Variants in LRRC9 observed in about 807,000 individuals in gnomAD.
LRRC9 encodes the protein leucine-rich repeat-containing protein 9.
In LRRC9, 122 loss-of-function variants were observed where a neutral mutation model predicts 63.2. The observed-to-expected ratio is 1.93, with a 90% confidence interval of 1.67 to 2.24. The LOEUF is 2.24. Ranked by LOEUF, LRRC9 falls within the 30% of genes most tolerant of loss-of-function variation. LRRC9 has a pLI of 0.00. For missense variants in LRRC9, 1,071 were observed against 627.7 expected, an observed-to-expected ratio of 1.71 and a Z score of -7.55; for synonymous variants, 366 against 213.1, an observed-to-expected ratio of 1.72 and a Z score of -6.25.
At chr14:60,008,612 C>T (rs1890005891) in intron 23 of LRRC9, among the ~76,000 whole-genome samples, 1 of 152,012 alleles carries the variant, frequency 6.6e-6, no homozygotes, top group African/African-American at 2.4e-5. Context: ...TATATTTGAA[C>T]CAACATGTGG....
intron 21 of LRRC9, among the ~76,000 whole-genome samples, chr14:60,005,284 G>A (rs1889722292): frequency 6.6e-6 from 1 of 152,154 alleles, no homozygotes; most frequent in South Asian, 2.1e-4. Flanking sequence ...AGTAAACCTA[G>A]GGGTAGCTCA....
intron 1 of LRRC9, among the ~76,000 whole-genome samples, chr14:59,924,072 G>A (rs1452176233): frequency 6.6e-6 from 1 of 152,166 alleles, no homozygotes; most frequent in African/African-American, 2.4e-5. Flanking sequence ...ATAACAAAGA[G>A]AATGATTTAA....
chr14:60,064,041 C>T (rs562967543), downstream of LRRC9, among the ~76,000 whole-genome samples: 47 of 152,238 alleles, frequency 3.1e-4, no homozygotes, highest in African/African-American at 1.1e-3. Context: ...ATAAAAAAAG[C>T]GTCCGATTTC....
At chr14:59,967,427 G>A (rs1435882505) in intron 12 of LRRC9, among the ~76,000 whole-genome samples, 2 of 152,072 alleles carry the variant, frequency 1.3e-5, no homozygotes, top group South Asian at 2.1e-4. Flanking sequence ...CTGACCCTAC[G>A]TAATCCTTCT....
chr14:59,952,835 T>C (rs1883316765), intron 8 of LRRC9, among the ~76,000 whole-genome samples: 1 of 152,068 alleles, frequency 6.6e-6, no homozygotes, highest in Non-Finnish European at 1.5e-5. Context: ...CAGGACCTGG[T>C]GTGTGATGTT....
chr14:59,924,773 G>T (rs1889065773), intron 1 of LRRC9, among the ~76,000 whole-genome samples: 1 of 151,846 alleles, frequency 6.6e-6, no homozygotes. Flanking sequence ...ACATGATTTG[G>T]CCCTGAAATA....
rs1456570322 is a variant in LRRC9 at position 60,027,904 on chromosome 14, G to A, written c.3724G>A (p.Glu1242Lys). 20 of 699,982 alleles carry A rather than the reference G, an allele frequency of 2.9e-5. No individual in the cohort carries two copies. The highest frequency in any genetic ancestry group is 2.3e-4 in the Middle Eastern group (1 of 4,358). 43.4% of individuals were successfully genotyped at this position (699,982 alleles called of 1,614,324 possible). The change falls in exon 28 of 32, where the codon GAA (glutamate) becomes AAA (lysine). Residue 1242 changes from glutamate (E) to lysine (K), a missense_variant. Physicochemically the swap from Glu to Lys is moderately conservative, Grantham distance 56 (BLOSUM62 1). Transcript: ENST00000445360. The surrounding 1 kb of genome is among the most constrained non-coding windows in gnomAD (Gnocchi z 4.0). Reference sequence around the variant, plus strand: ...TTTAGGTAATGAAATCAGCCAAGTTGAAGGGCTTGACAACTTAGTAGTCCT... The same window carrying A: ...TTTAGGTAATGAAATCAGCCAAGTTAAAGGGCTTGACAACTTAGTAGTCCT...
At chr14:60,040,326 T>C (rs1331808705) in intron 29 of LRRC9, among the ~76,000 whole-genome samples, 1 of 151,968 alleles carries the variant, frequency 6.6e-6, no homozygotes, top group African/African-American at 2.4e-5. Flanking sequence ...GTTAACTTTC[T>C]GTCTCGTTGA....
rs1018474173 is a variant in LRRC9 at position 59,930,107 on chromosome 14, G to T, written c.268-811G>T. ...AAATAAATAAATTGATTTGTGCAAA[G>T]GAAAAACAGAAATAAGGGATTAAAA... is the stretch of plus-strand genomic sequence containing the variant. On this transcript the variant is annotated intron_variant, in intron 3 of 31. Transcript: ENST00000445360. The surrounding 1 kb of genome is among the most constrained non-coding windows in gnomAD (Gnocchi z 4.9). 6.6e-6 allele frequency among the ~76,000 whole-genome samples: 1 copy of T among 151,882 alleles called. No homozygotes were observed. Among genetic ancestry groups the T allele is most frequent in the Non-Finnish European group, 1.5e-5 (1 of 67,904 alleles).
chr14:60,024,402 A>G (rs1377283251), intron 27 of LRRC9, among the ~76,000 whole-genome samples: 2 of 151,946 alleles, frequency 1.3e-5, no homozygotes, highest in Non-Finnish European at 2.9e-5. Flanking sequence ...AAACTTTTAG[A>G]GAAGTAGCGT....
downstream of LRRC9, among the ~76,000 whole-genome samples, chr14:60,066,538 A>G (rs1894887206): frequency 6.6e-6 from 1 of 152,098 alleles, no homozygotes; most frequent in Admixed American, 6.5e-5. Context: ...GCCTTACTAT[A>G]AAACTTAGAG....
At chr14:59,997,708 G>A (rs1226430004) in exon 18 of LRRC9, 5 of 702,438 alleles carry the variant, frequency 7.1e-6, no homozygotes, top group African/African-American at 5.2e-5. Context: ...ACCCTTGAGG[G>A]ATTTAGAGGT....
chr14:60,039,751 G>A lies in LRRC9; in HGVS notation c.3990+7688G>A, dbSNP rs192493291. Reference sequence around the variant, plus strand: ...TTGATTTTTTTGAAGGGTTTTTTGTGTCTCTATCTCCTTCATTTCTGCTCT... The same window carrying A: ...TTGATTTTTTTGAAGGGTTTTTTGTATCTCTATCTCCTTCATTTCTGCTCT... On this transcript the variant is annotated intron_variant, in intron 29 of 31. Transcript: ENST00000445360. Among the ~76,000 whole-genome samples, 217 of 152,094 alleles carry A rather than the reference G, an allele frequency of 1.4e-3. 1 individual carries two copies. Among genetic ancestry groups the A allele is most frequent in the Non-Finnish European group, 2.5e-3 (170 of 68,008 alleles).
exon 6 of LRRC9, chr14:59,931,969 G>A (rs1210983768): frequency 2.1e-5 from 15 of 698,728 alleles, no homozygotes; most frequent in African/African-American, 7.0e-5. Context: ...TTTTTTAAAG[G>A]TCGATGTCTT....
chr14:60,011,593 T>C (rs369587835), intron 23 of LRRC9, among the ~76,000 whole-genome samples: 2 of 152,346 alleles, frequency 1.3e-5, no homozygotes, highest in African/African-American at 4.8e-5. Flanking sequence ...TATTTGATTA[T>C]ATGTGTTTCC....
At chr14:59,961,352 A>C (rs956352529) in intron 10 of LRRC9, among the ~76,000 whole-genome samples, 2 of 152,212 alleles carry the variant, frequency 1.3e-5, no homozygotes, top group Non-Finnish European at 2.9e-5. Flanking sequence ...AAAAATTTAT[A>C]ATCAAGTTTT....
intron 8 of LRRC9, among the ~76,000 whole-genome samples, chr14:59,955,110 T>C (rs1047123407): frequency 6.6e-6 from 1 of 152,200 alleles, no homozygotes; most frequent in African/African-American, 2.4e-5. Flanking sequence ...TTTTCTTTTT[T>C]TGTTGTGTCT....
chr14:60,030,051 A>G (rs1286586628), intron 28 of LRRC9, among the ~76,000 whole-genome samples: 1 of 152,122 alleles, frequency 6.6e-6, no homozygotes, highest in Non-Finnish European at 1.5e-5. Flanking sequence ...TCTCACTTCA[A>G]ATTTGATTTT....
intron 30 of LRRC9, among the ~76,000 whole-genome samples, chr14:60,056,925 A>C (rs1396825886): frequency 6.6e-6 from 1 of 152,202 alleles, no homozygotes; most frequent in Non-Finnish European, 1.5e-5. Context: ...CTTTTAAACC[A>C]AAACATTTTG....
Sources: gnomAD v4.1 joint callset for allele counts (sites outside exome capture counted in the v4.1 genomes callset) on GRCh38, gnomAD v4.1.1 for gene constraint, Gnocchi (gnomAD v3.1) non-coding constraint, MANE v1.5 for transcripts, NCBI Gene and HGNC (gene_info 2026-07-23, HGNC 2026-07-21) for gene names.